TRIP4: variants seen among roughly 807,000 people sequenced by gnomAD.
TRIP4 encodes thyroid hormone receptor interactor 4.
In TRIP4, 54 loss-of-function variants were observed where a neutral mutation model predicts 81.8. That is an observed-to-expected ratio of 0.66 (90% CI 0.53 to 0.83). TRIP4 has a LOEUF of 0.83. Ranked by LOEUF, TRIP4 falls within the 40% of genes least tolerant of loss-of-function variation. The pLI, the probability that TRIP4 is intolerant of heterozygous loss-of-function variation, is 0.00. For missense variants in TRIP4, 662 were observed against 683.6 expected (o/e 0.97, Z 0.35); for synonymous variants, 270 against 242.8 (o/e 1.11, Z -1.04).
chr15:64,422,623 G>C (rs1892044446), intron 9 of TRIP4, among the ~76,000 whole-genome samples: 1 of 152,184 alleles, frequency 6.6e-6, no homozygotes, highest in Non-Finnish European at 1.5e-5. Context: ...TAGGTGTCTT[G>C]CTTTTCCAAA....
chr15:64,446,836 G>A (rs1222755012), intron 12 of TRIP4, among the ~76,000 whole-genome samples: 1 of 151,644 alleles, frequency 6.6e-6, no homozygotes. Context: ...CGGGCGTGGT[G>A]GCTCACGCCT....
chr15:64,446,222 C>T lies in TRIP4; in HGVS notation c.1678+1114C>T, dbSNP rs565924749. Among the ~76,000 whole-genome samples, 5 of 151,230 alleles carry T rather than the reference C, an allele frequency of 3.3e-5. No individual in the cohort carries two copies. The South Asian group carries it at 6.3e-4, about 19-fold the overall frequency. On this transcript the variant is annotated intron_variant, in intron 12 of 12. Coordinates refer to ENST00000261884, the MANE Select transcript of TRIP4 (RefSeq NM_016213.5). ...TCGGGAGGCAGAGGTTGCAGTGAGC[C>T]GAGATCACGCCACTGCACTCCAGCC...
At chr15:64,400,115 CAA>C (rs1231127282) in intron 4 of TRIP4, among the ~76,000 whole-genome samples, 5 of 151,154 alleles carry the variant, frequency 3.3e-5, no homozygotes, top group Non-Finnish European at 5.9e-5. Context: ...CCAAATCTGA[CAA>C]GAGAAGTTAA....
At chr15:64,411,976 G>A (rs750653433) in intron 7 of TRIP4, among the ~76,000 whole-genome samples, 89 of 151,928 alleles carry the variant, frequency 5.9e-4, no homozygotes, top group Non-Finnish European at 1.1e-3. Context: ...CACTGCGCCC[G>A]GCACTAAATT....
chr15:64,429,112 C>T (rs1019840809), intron 11 of TRIP4, among the ~76,000 whole-genome samples: 2 of 151,536 alleles, frequency 1.3e-5, no homozygotes, highest in South Asian at 2.1e-4. Flanking sequence ...GCTAGGAGTT[C>T]GAGACCAGCC....
chr15:64,395,668 T>A (rs1900270284), intron 3 of TRIP4, 137 bp downstream of exon 3: 2 of 933,110 alleles, frequency 2.1e-6, no homozygotes, highest in Admixed American at 5.3e-5. Context: ...GTAGAAAAAG[T>A]TACATATACT....
Position 64,418,674 on chromosome 15 carries a change from G to A in TRIP4, c.1304G>A (p.Trp435Ter). The A allele has an allele frequency of 6.2e-7, 1 of 1,614,012 alleles. No individual in the cohort carries two copies. The highest frequency in any genetic ancestry group is 8.5e-7 in the Non-Finnish European group (1 of 1,180,002). The part of the protein sequence containing the change: ...QEFQEGFDGG[W>*]CLSVHQPWAS... ...TTTCAGGAAGGCTTTGATGGTGGCT[G>A]GTGCCTCTCTGTACATCAGCCCTGG... The change falls in exon 9 of 13, where the codon TGG (tryptophan) becomes TAG (stop). Residue 435 changes from tryptophan (W) to a stop codon, truncating the protein, a stop_gained. Transcript: ENST00000261884. LOFTEE classifies it high-confidence loss of function.
At chr15:64,405,822 C>T (rs996936345) in intron 5 of TRIP4, among the ~76,000 whole-genome samples, 1 of 152,048 alleles carries the variant, frequency 6.6e-6, no homozygotes, top group Non-Finnish European at 1.5e-5. Context: ...TAGTGAGACC[C>T]GCCTCTCTAC....
chr15:64,405,097 T>C (rs903722527), intron 5 of TRIP4, among the ~76,000 whole-genome samples: 1 of 152,148 alleles, frequency 6.6e-6, no homozygotes, highest in African/African-American at 2.4e-5. Flanking sequence ...GAATCAATGT[T>C]GGCTTTAGAG....
At chr15:64,427,008 GA>G (rs911308500) in intron 11 of TRIP4, among the ~76,000 whole-genome samples, 9 of 146,556 alleles carry the variant, frequency 6.1e-5, no homozygotes, top group East Asian at 3.9e-4. Flanking sequence ...TCAAAAAAAA[GA>G]AAAAAAAAAG....
chr15:64,400,750 C>G lies in TRIP4; in HGVS notation c.626C>G (p.Thr209Ser), dbSNP rs755471393. 3.7e-6 allele frequency: 6 copies of G among 1,613,536 alleles called. No homozygotes were observed. The African/African-American group carries it at 8.0e-5, about 22-fold the overall frequency. The stretch of plus-strand genomic sequence containing the variant: ...ACTCTTACTATTTTACAGGTGTGTA[C>G]TCATGAGGAACAAGATATTTTACAG... ...PCLFCGTLVCTHEEQDILQRD... is the reference protein window; with the variant it reads ...PCLFCGTLVCSHEEQDILQRD... Residue 209 changes from threonine (T) to serine (S), a missense_variant, in exon 5 of 13, where the codon ACT becomes AGT. Transcript: ENST00000261884.
intron 8 of TRIP4, among the ~76,000 whole-genome samples, chr15:64,417,591 G>A (rs1268480309): frequency 6.6e-6 from 1 of 152,130 alleles, no homozygotes; most frequent in Admixed American, 6.5e-5. Context: ...CTGAACTGTT[G>A]CCAAGACTCT....
At chr15:64,454,674 G>C (rs1014875737) in intron 12 of TRIP4, among the ~76,000 whole-genome samples, 58 of 152,142 alleles carry the variant, frequency 3.8e-4, no homozygotes, top group African/African-American at 1.3e-3. Context: ...TATTGCATGT[G>C]TATATTCTTA....
At chr15:64,394,923 C>T (rs964563404) in intron 2 of TRIP4, among the ~76,000 whole-genome samples, 5 of 152,202 alleles carry the variant, frequency 3.3e-5, no homozygotes, top group South Asian at 2.1e-4. Context: ...TAGCTCACTG[C>T]AGCCTCTGCT....
At chr15:64,435,764 A>G (rs956193255) in intron 11 of TRIP4, among the ~76,000 whole-genome samples, 3 of 145,798 alleles carry the variant, frequency 2.1e-5, no homozygotes, top group East Asian at 4.1e-4. Flanking sequence ...AAGGGACCCA[A>G]CTGTTAACTT....
In TRIP4 at chr15:64,418,555, A is replaced by T. The variant is rs1381569999; in HGVS notation, c.1185A>T (p.Thr395=). 2 of 1,612,396 alleles carry T rather than the reference A, an allele frequency of 1.2e-6. No homozygotes were observed. The highest frequency in any genetic ancestry group is 2.2e-5 in the South Asian group (2 of 90,998). Residue 395 remains threonine (T), a synonymous_variant, in exon 9 of 13, where the codon ACA becomes ACT. Coordinates refer to ENST00000261884, the MANE Select transcript of TRIP4 (RefSeq NM_016213.5). ...TTTCTGTGTAGTGGGTTGACCACAC[A>T]GGTGCAGCCTCACAGAAGAAGGCTT... ...YQSPPQWVDH[T]GAASQKKAFR... is the part of the protein sequence containing the mutation.
At chr15:64,402,685 A>G (rs1055917891) in intron 5 of TRIP4, among the ~76,000 whole-genome samples, 1 of 151,426 alleles carries the variant, frequency 6.6e-6, no homozygotes, top group Non-Finnish European at 1.5e-5. Flanking sequence ...CACCTTGTCC[A>G]GCTAATTTTT....
intron 4 of TRIP4, among the ~76,000 whole-genome samples, chr15:64,398,424 C>CAAAAA (rs745672952): frequency 6.1e-5 from 1 of 16,270 alleles, no homozygotes; most frequent in Admixed American, 7.0e-4. Flanking sequence ...CCTGTCTCTA[C>CAAAAA]AAAAAAAAAA....
At chr15:64,434,508 G>T (rs1472370823) in intron 11 of TRIP4, among the ~76,000 whole-genome samples, 1 of 152,144 alleles carries the variant, frequency 6.6e-6, no homozygotes, top group African/African-American at 2.4e-5. Flanking sequence ...TGTGGGATGG[G>T]AAAGAGTGTT....
Sources: gnomAD v4.1 joint callset for allele counts (sites outside exome capture counted in the v4.1 genomes callset) on GRCh38, gnomAD v4.1.1 for gene constraint, MANE v1.5 for transcripts, NCBI Gene and HGNC (gene_info 2026-07-23, HGNC 2026-07-21) for gene names.